The following EFCAB6 variants were observed in gnomAD, a reference collection of about 807,000 sequenced individuals.
EFCAB6 encodes the protein EF-hand calcium-binding domain-containing protein 6.
A neutral mutation model predicts 169.8 loss-of-function variants in EFCAB6; 156 were observed. That is an observed-to-expected ratio of 0.92 (90% CI 0.81 to 1.05). The LOEUF is 1.05. Among genes scored for constraint, EFCAB6 ranks in the 50% least tolerant of loss-of-function variants. EFCAB6 has a pLI of 0.00. For synonymous variants in EFCAB6, 698 were observed against 676.4 expected (o/e 1.03, Z -0.50); for missense variants, 1,800 against 1,829.1 (o/e 0.98, Z 0.29).
chr22:43,720,406 G>A (rs1011526118), intron 8 of EFCAB6, among the ~76,000 whole-genome samples: 1 of 151,970 alleles, frequency 6.6e-6, no homozygotes, highest in African/African-American at 2.4e-5. Context: ...AAGCTACTCG[G>A]GAGGCTGAGG....
At chr22:43,758,353 T>C (rs2061032170) in intron 5 of EFCAB6, among the ~76,000 whole-genome samples, 1 of 152,196 alleles carries the variant, frequency 6.6e-6, no homozygotes, top group South Asian at 2.1e-4. Flanking sequence ...TTGGATTGAG[T>C]ATTTTAAAAT....
At chr22:43,592,355 AAT>A (rs1205711445) in intron 23 of EFCAB6, among the ~76,000 whole-genome samples, 1 of 152,184 alleles carries the variant, frequency 6.6e-6, no homozygotes, top group African/African-American at 2.4e-5. Context: ...GTGTACATTG[AAT>A]TCAGTCCCAT....
chr22:43,810,225 G>A (rs569898470), intron 1 of EFCAB6, among the ~76,000 whole-genome samples: 1 of 152,314 alleles, frequency 6.6e-6, no homozygotes, highest in East Asian at 1.9e-4. Context: ...TAAAAAGTAT[G>A]AGGGACCAAA....
chr22:43,563,772 G>T (rs2049237463), intron 26 of EFCAB6, among the ~76,000 whole-genome samples: 1 of 152,210 alleles, frequency 6.6e-6, no homozygotes, highest in Admixed American at 6.5e-5. Context: ...ATCCGAGGAT[G>T]GTGCATCCTG....
intron 21 of EFCAB6, among the ~76,000 whole-genome samples, chr22:43,610,471 G>C (rs1334744860): frequency 1.3e-5 from 2 of 152,202 alleles, no homozygotes; most frequent in Admixed American, 1.3e-4. Context: ...AATCTGCAAT[G>C]AGATACTATT....
intron 5 of EFCAB6, among the ~76,000 whole-genome samples, chr22:43,757,458 C>A (rs1288524351): frequency 1.3e-5 from 2 of 152,050 alleles, no homozygotes; most frequent in Non-Finnish European, 2.9e-5. Context: ...GAGGCAAGAG[C>A]ATCACTTGAA....
chr22:43,530,161 C>T (rs986424585), intron 31 of EFCAB6, among the ~76,000 whole-genome samples: 1 of 152,208 alleles, frequency 6.6e-6, no homozygotes, highest in Admixed American at 6.5e-5. Context: ...GCACCACGCC[C>T]GAATTCCTGG....
intron 15 of EFCAB6, among the ~76,000 whole-genome samples, chr22:43,671,046 G>T (rs1370697688): frequency 6.6e-6 from 1 of 152,194 alleles, no homozygotes; most frequent in East Asian, 1.9e-4. Context: ...CCCAGGTTTG[G>T]AGCTGATTCA....
intron 10 of EFCAB6, among the ~76,000 whole-genome samples, chr22:43,704,411 TA>T (rs2058879078): frequency 6.6e-6 from 1 of 152,084 alleles, no homozygotes; most frequent in African/African-American, 2.4e-5. Flanking sequence ...ATTATTAACA[TA>T]AAAGTTACAA....
chr22:43,626,097 A>G (rs2054499332), intron 20 of EFCAB6, among the ~76,000 whole-genome samples: 1 of 152,246 alleles, frequency 6.6e-6, no homozygotes, highest in African/African-American at 2.4e-5. Context: ...TCATACACAC[A>G]TGAATATATA....
At chr22:43,704,716 CG>C (rs1238224788) in intron 10 of EFCAB6, among the ~76,000 whole-genome samples, 1 of 151,964 alleles carries the variant, frequency 6.6e-6, no homozygotes, top group African/African-American at 2.4e-5. Flanking sequence ...AAAATTTCTA[CG>C]CAAGCCTCAT....
intron 27 of EFCAB6, chr22:43,554,654 G>GACAGT (rs1421529171): frequency 5.3e-6 from 3 of 567,648 alleles, no homozygotes; most frequent in Non-Finnish European, 9.3e-6. Context: ...AGGCAACAGT[G>GACAGT]ACAGTATTTG....
chr22:43,687,257 T>A (rs1455794987), intron 11 of EFCAB6, among the ~76,000 whole-genome samples: 2 of 152,286 alleles, frequency 1.3e-5, no homozygotes, highest in East Asian at 3.9e-4. Flanking sequence ...CATCTAGAAA[T>A]TGACATAACA....
intron 3 of EFCAB6, among the ~76,000 whole-genome samples, chr22:43,773,371 T>C (rs1363198238): frequency 2.0e-5 from 3 of 152,190 alleles, no homozygotes; most frequent in Non-Finnish European, 2.9e-5. Flanking sequence ...CATAGGTCAG[T>C]ACAAGTGAAA....
At chr22:43,804,463 A>G (rs185607635) in intron 2 of EFCAB6, among the ~76,000 whole-genome samples, 1 of 152,314 alleles carries the variant, frequency 6.6e-6, no homozygotes, top group East Asian at 1.9e-4. Flanking sequence ...AAGGAAAGAT[A>G]TTATAAAGAT....
intron 2 of EFCAB6, among the ~76,000 whole-genome samples, chr22:43,790,928 G>C (rs1262166129): frequency 6.6e-6 from 1 of 152,182 alleles, no homozygotes; most frequent in Non-Finnish European, 1.5e-5. Flanking sequence ...AAGAAAGGTT[G>C]GGTGGAATGA....
intron 10 of EFCAB6, among the ~76,000 whole-genome samples, chr22:43,690,792 C>T (rs921808752): frequency 5.3e-5 from 8 of 151,586 alleles, no homozygotes; most frequent in East Asian, 1.9e-4. Flanking sequence ...ACTGCCATGT[C>T]GCCCATCATT....
At chr22:43,811,231 G>A (rs1240962654) in intron 1 of EFCAB6, among the ~76,000 whole-genome samples, 1 of 147,284 alleles carries the variant, frequency 6.8e-6, no homozygotes, top group African/African-American at 2.5e-5. Context: ...AGTGAGCTGG[G>A]ATCGCTGCAC....
chr22:43,789,578 C>G (rs2062200879), intron 2 of EFCAB6, among the ~76,000 whole-genome samples: 2 of 152,216 alleles, frequency 1.3e-5, no homozygotes, highest in African/African-American at 2.4e-5. Context: ...ACTGTCAGAG[C>G]TAACTTGGCT....
Sources: allele counts gnomAD v4.1 joint callset (sites outside exome capture counted in the v4.1 genomes callset), GRCh38; gene constraint gnomAD v4.1.1; transcripts MANE v1.5; gene names NCBI Gene and HGNC (gene_info 2026-07-23, HGNC 2026-07-21).